Variants in OVCH1 observed in about 807,000 individuals in gnomAD.
OVCH1 encodes the protein ovochymase 1.
Under a neutral mutation model 138.4 loss-of-function variants are expected in OVCH1, and 139 were observed. The ratio of observed to expected loss-of-function variants is 1.00; its 90% CI spans 0.87 to 1.16. OVCH1 has a LOEUF of 1.16. Among genes scored for constraint, OVCH1 ranks in the 50% most tolerant of loss-of-function variants. The pLI is 0.00. For missense variants in OVCH1, 1,367 were observed against 1,357.9 expected (o/e 1.01, Z -0.11); for synonymous variants, 453 against 467.8 (o/e 0.97, Z 0.41).
At chr12:29,475,006 C>A in intron 14 of OVCH1, 55 bp downstream of exon 14, 1 of 1,524,806 alleles carries the variant, frequency 6.6e-7, no homozygotes, top group Admixed American at 2.1e-5. Context: ...AAATTATCTT[C>A]CCTGTAACCA....
At chr12:29,435,984 CAT>C (rs1200620979) in intron 26 of OVCH1, among the ~76,000 whole-genome samples, 1 of 152,118 alleles carries the variant, frequency 6.6e-6, no homozygotes, top group East Asian at 1.9e-4. Context: ...TCCAATTAAA[CAT>C]ATTGATCTTT....
At chr12:29,453,730 C>T (rs1318484813) in intron 21 of OVCH1, among the ~76,000 whole-genome samples, 1 of 152,056 alleles carries the variant, frequency 6.6e-6, no homozygotes, top group Admixed American at 6.6e-5. Context: ...ACTCTGAATT[C>T]CCTTATACCC....
intron 5 of OVCH1, 48 bp from the exon 6 acceptor site, chr12:29,489,819 C>A (rs1487391672): frequency 1.3e-6 from 2 of 1,552,752 alleles, no homozygotes; most frequent in Admixed American, 1.8e-5. Context: ...CTCATGGAAA[C>A]AAATTAATGG....
At chr12:29,483,881 A>G (rs547646022) in intron 8 of OVCH1, among the ~76,000 whole-genome samples, 11 of 152,290 alleles carry the variant, frequency 7.2e-5, no homozygotes, top group African/African-American at 2.4e-4. Context: ...CCACACTTCT[A>G]ACCACTCCAC....
chr12:29,413,825 A>G (rs1940995579), intron 3 of OVCH1, among the ~76,000 whole-genome samples: 1 of 152,208 alleles, frequency 6.6e-6, no homozygotes, highest in South Asian at 2.1e-4. Flanking sequence ...AAAAAATTGT[A>G]TAAACTCTTT....
At chr12:29,469,862 G>A (rs1942444185) in intron 16 of OVCH1, among the ~76,000 whole-genome samples, 1 of 152,140 alleles carries the variant, frequency 6.6e-6, no homozygotes, top group Admixed American at 6.5e-5. Context: ...CAGAGAGACT[G>A]GTTCTCAAAA....
At chr12:29,446,678 A>G (rs1172308680) in intron 22 of OVCH1, among the ~76,000 whole-genome samples, 2 of 152,110 alleles carry the variant, frequency 1.3e-5, no homozygotes, top group African/African-American at 2.4e-5. Flanking sequence ...TCCCCAGAAA[A>G]TGTGTCTCTC....
intron 8 of OVCH1, among the ~76,000 whole-genome samples, chr12:29,482,792 T>C (rs1390085105): frequency 6.6e-6 from 1 of 152,236 alleles, no homozygotes; most frequent in Admixed American, 6.5e-5. Context: ...CAGAGATCTC[T>C]GAAATGCTTA....
At chr12:29,436,288 C>A (rs1941357801) in intron 26 of OVCH1, among the ~76,000 whole-genome samples, 1 of 148 alleles carries the variant, frequency 6.8e-3, no homozygotes, top group Non-Finnish European at 0.023. Flanking sequence ...AGTTGAGACA[C>A]CCAGTACTTT....
At chr12:29,421,349 A>G (rs1320891002) in intron 3 of OVCH1, among the ~76,000 whole-genome samples, 1 of 152,352 alleles carries the variant, frequency 6.6e-6, no homozygotes, top group African/African-American at 2.4e-5. Flanking sequence ...AAGTAATTAT[A>G]AAAGTCTATT....
intron 7 of OVCH1, chr12:29,486,917 A>G (rs1402757106): frequency 1.1e-5 from 5 of 455,762 alleles, no homozygotes; most frequent in African/African-American, 1.0e-4. Context: ...TGCTACCAGA[A>G]GAGAACTGCT....
In OVCH1 at chr12:29,495,149, G is replaced by A. The variant is rs1461366543; in HGVS notation, c.454+136C>T. The A allele has an allele frequency of 1.2e-5, 11 of 905,552 alleles. No homozygotes were observed. In the South Asian group the frequency reaches 1.3e-4, roughly 10 times the overall value. The allele number at this position is 905,552 out of a possible 1,614,324, so 56.1% of individuals were successfully genotyped here. A position where few individuals can be genotyped will look rare whatever the true frequency, so the allele number is the denominator to read the frequency against. On this transcript the variant is annotated intron_variant, in intron 4 of 27. Transcript: ENST00000318184. ...GTATTTTCTCAATAGGTTATAGACC[G>A]AACAAAATTATTTTAAAAAGAAACA... is the stretch of plus-strand genomic sequence containing the variant.
At chr12:29,471,722 TTAG>T in intron 16 of OVCH1, 77 bp downstream of exon 16, 2 of 1,403,792 alleles carry the variant, frequency 1.4e-6, no homozygotes, top group Non-Finnish European at 1.9e-6. Flanking sequence ...CTGGATGATC[TTAG>T]TAGTCAGCCT....
chr12:29,445,051 AT>A (rs1342297299), intron 23 of OVCH1, among the ~76,000 whole-genome samples: 1 of 152,080 alleles, frequency 6.6e-6, no homozygotes, highest in African/African-American at 2.4e-5. Flanking sequence ...TATCTTAGCC[AT>A]TTTCAGAAAT....
At chr12:29,422,541 G>A (rs1941120520) in intron 3 of OVCH1, among the ~76,000 whole-genome samples, 1 of 152,148 alleles carries the variant, frequency 6.6e-6, no homozygotes, top group South Asian at 2.1e-4. Context: ...TATTGTTGAA[G>A]GACAGAAAGT....
At chr12:29,444,475 C>A (rs1282992576) in intron 23 of OVCH1, among the ~76,000 whole-genome samples, 195 bp from the exon 24 acceptor site, 1 of 152,034 alleles carries the variant, frequency 6.6e-6, no homozygotes, top group Non-Finnish European at 1.5e-5. Context: ...ACAAACACAT[C>A]TCTCAGATGA....
chr12:29,441,456 T>C (rs1941483293), intron 25 of OVCH1, among the ~76,000 whole-genome samples: 1 of 152,148 alleles, frequency 6.6e-6, no homozygotes, highest in Non-Finnish European at 1.5e-5. Context: ...TTACACCTTA[T>C]ACAAAAAATA....
In OVCH1 at chr12:29,496,126, C is replaced by T. The variant is rs1943407926; in HGVS notation, c.281+55G>A. 4.8e-6 allele frequency: 7 copies of T among 1,461,640 alleles called. No homozygotes were observed. The Admixed American group carries it at 9.7e-5, about 20-fold the overall frequency. 90.5% of individuals were successfully genotyped at this position (1,461,640 alleles called of 1,614,324 possible). A position where few individuals can be genotyped will look rare whatever the true frequency, so the allele number is the denominator to read the frequency against. ...CCTGCTATTTAGAGCAACAAATCTG[C>T]CAGTCGCATAGCCAGGAATCAAGGC... On this transcript the variant is annotated intron_variant, in intron 3 of 27. Transcript: ENST00000318184.
chr12:29,478,421 A>T (rs191334529), intron 9 of OVCH1, among the ~76,000 whole-genome samples: 24 of 152,110 alleles, frequency 1.6e-4, no homozygotes, highest in South Asian at 4.1e-4. Context: ...TAAAAATAAT[A>T]AAAAAAACTG....
Sources: allele counts gnomAD v4.1 joint callset (sites outside exome capture counted in the v4.1 genomes callset), GRCh38; gene constraint gnomAD v4.1.1; transcripts MANE v1.5; gene names NCBI Gene and HGNC (gene_info 2026-07-23, HGNC 2026-07-21).